Variants in NXPE2 observed in about 807,000 individuals in gnomAD.
NXPE2 encodes neurexophilin and PC-esterase domain family member 2.
In NXPE2, 34 loss-of-function variants were observed where a neutral mutation model predicts 34.4. The observed-to-expected ratio is 0.99, with a 90% CI of 0.75 to 1.31. NXPE2 has a LOEUF of 1.31. Among genes scored for constraint, NXPE2 ranks in the 40% most tolerant of loss-of-function variants. The pLI, the probability that NXPE2 is intolerant of heterozygous loss-of-function variation, is 0.00. For synonymous variants in NXPE2, 235 were observed against 231.3 expected, an observed-to-expected ratio of 1.02 and a Z score of -0.15; for missense variants, 649 against 672.5, an observed-to-expected ratio of 0.97 and a Z score of 0.39.
chr11:114,609,331 C>T, the NXPE2 span, among the ~76,000 whole-genome samples: 1 of 151,374 alleles, frequency 6.6e-6, no homozygotes, highest in African/African-American at 2.4e-5. Flanking sequence ...CACGGTTACC[C>T]TGTGTATAAT....
the NXPE2 span, among the ~76,000 whole-genome samples, chr11:114,545,761 T>C: frequency 2.0e-5 from 3 of 151,310 alleles, no homozygotes; most frequent in Non-Finnish European, 4.4e-5. Flanking sequence ...TGAACTCAGC[T>C]CACTGTAACC....
chr11:114,599,824 G>A, the NXPE2 span, among the ~76,000 whole-genome samples: 4 of 151,976 alleles, frequency 2.6e-5, no homozygotes, highest in Non-Finnish European at 5.9e-5. Context: ...ATCCAATTAC[G>A]TCCTACCAGG....
At chr11:114,601,457 TATATA>T in the NXPE2 span, among the ~76,000 whole-genome samples, 3 of 124,648 alleles carry the variant, frequency 2.4e-5, no homozygotes, top group Non-Finnish European at 3.2e-5. Flanking sequence ...ATTTATATTA[TATATA>T]ATATAAAATT....
chr11:114,658,941 A>C, the NXPE2 span, among the ~76,000 whole-genome samples: 1 of 152,308 alleles, frequency 6.6e-6, no homozygotes, highest in South Asian at 2.1e-4. Context: ...AAGGGCATGA[A>C]GAGAGGCTCT....
chr11:114,531,295 C>A, the NXPE2 span, among the ~76,000 whole-genome samples: 33 of 152,186 alleles, frequency 2.2e-4, no homozygotes, highest in East Asian at 3.9e-4. Context: ...TTTACTCTTT[C>A]TTTTCATATA....
At chr11:114,594,755 T>C in the NXPE2 span, 1 of 1,494,482 alleles carries the variant, frequency 6.7e-7, no homozygotes, top group Non-Finnish European at 9.3e-7. Context: ...CATACTTATT[T>C]TCATGATTAG....
At chr11:114,735,149 T>C in the NXPE2 span, among the ~76,000 whole-genome samples, 1 of 152,160 alleles carries the variant, frequency 6.6e-6, no homozygotes, top group Admixed American at 6.5e-5. Context: ...ACACATCTCT[T>C]ATTCCTGTGG....
At chr11:114,787,735 C>A in the NXPE2 span, among the ~76,000 whole-genome samples, 21,489 of 152,146 alleles carry the variant, frequency 0.14, 1,618 homozygotes, top group Middle Eastern at 0.2. Context: ...CTATCCACCC[C>A]TCTGAATCCT....
chr11:114,694,758 G>A (rs1332354520), intron 2 of NXPE2, among the ~76,000 whole-genome samples: 1 of 151,936 alleles, frequency 6.6e-6, no homozygotes, highest in Non-Finnish European at 1.5e-5. Context: ...CTGATATAGT[G>A]TTTTTTATTT....
At chr11:114,793,530 T>G in the NXPE2 span, among the ~76,000 whole-genome samples, 2 of 152,168 alleles carry the variant, frequency 1.3e-5, no homozygotes, top group Non-Finnish European at 2.9e-5. Flanking sequence ...TCTGGAGCCA[T>G]CAGGGAAGGC....
the NXPE2 span, among the ~76,000 whole-genome samples, chr11:114,750,890 TTA>T: frequency 2.0e-5 from 3 of 152,302 alleles, no homozygotes; most frequent in East Asian, 5.8e-4. Context: ...AGTAGACTAA[TTA>T]TGTTTTGATA....
chr11:114,629,367 T>C, the NXPE2 span, among the ~76,000 whole-genome samples: 4 of 152,128 alleles, frequency 2.6e-5, 1 homozygote, highest in Admixed American at 6.5e-5. Flanking sequence ...TGGTTCAATA[T>C]ACACAAATCA....
chr11:114,706,746 C>A lies in NXPE2; in HGVS notation c.1496C>A (p.Ala499Glu), dbSNP rs1228164627. 3.9e-6 allele frequency: 6 copies of A among 1,552,164 alleles called. No homozygotes were observed. The highest frequency in any genetic ancestry group is 1.7e-4 in the Middle Eastern group (1 of 6,018). ...AACACCAGAGAGATAGAACAAAATGCAGAGATGTTCAGTGACTTTCATGGC... is the reference window on the plus strand; with the variant it reads ...AACACCAGAGAGATAGAACAAAATGAAGAGATGTTCAGTGACTTTCATGGC... ...TENTREIEQN[A>E]EMFSDFHGYI... is the part of the protein sequence containing the mutation. Residue 499 changes from alanine to glutamate, a missense_variant, in exon 6 of 6, where the codon GCA becomes GAA. Physicochemically the swap from Ala to Glu is moderately radical, Grantham distance 107 (BLOSUM62 -1). Coordinates refer to ENST00000389586, the MANE Select transcript of NXPE2 (RefSeq NM_182495.6).
At chr11:114,812,368 TTAAAA>T in the NXPE2 span, among the ~76,000 whole-genome samples, 13 of 152,200 alleles carry the variant, frequency 8.5e-5, no homozygotes, top group Admixed American at 3.9e-4. Flanking sequence ...AAATTACAGT[TTAAAA>T]TAACAACTTT....
At chr11:114,655,955 G>GCGTATTCA in the NXPE2 span, among the ~76,000 whole-genome samples, 1 of 152,136 alleles carries the variant, frequency 6.6e-6, no homozygotes, top group Admixed American at 6.6e-5. Context: ...AAGAAATAAA[G>GCGTATTCA]CGTATTCACA....
the NXPE2 span, among the ~76,000 whole-genome samples, chr11:114,794,257 A>G: frequency 6.6e-6 from 1 of 152,134 alleles, no homozygotes. Flanking sequence ...CAGTTGCTTC[A>G]TCAGACCATA....
the NXPE2 span, among the ~76,000 whole-genome samples, chr11:114,719,338 A>C: frequency 6.6e-6 from 1 of 152,210 alleles, no homozygotes; most frequent in African/African-American, 2.4e-5. Context: ...GAAAGTAACA[A>C]CACCAGATGA....
chr11:114,754,638 C>G, the NXPE2 span, among the ~76,000 whole-genome samples: 2 of 152,158 alleles, frequency 1.3e-5, no homozygotes, highest in African/African-American at 4.8e-5. Context: ...CAGAGGTCCT[C>G]AGGGCTGTGT....
chr11:114,489,132 A>G, the NXPE2 span, among the ~76,000 whole-genome samples: 1 of 152,168 alleles, frequency 6.6e-6, no homozygotes, highest in African/African-American at 2.4e-5. Flanking sequence ...ATTCCTCGAC[A>G]CATACACCCT....
Sources: allele counts gnomAD v4.1 joint callset (sites outside exome capture counted in the v4.1 genomes callset), GRCh38; gene constraint gnomAD v4.1.1; transcripts MANE v1.5; gene names NCBI Gene and HGNC (gene_info 2026-07-23, HGNC 2026-07-21).